The following USP49 variants were observed in gnomAD, a reference collection of about 807,000 sequenced individuals.
The protein encoded by USP49 is ubiquitin specific peptidase 49, also known as ubiquitin carboxyl-terminal hydrolase 49.
In USP49, 24 loss-of-function variants were observed where a neutral mutation model predicts 58.6. The observed-to-expected ratio is 0.41, with a 90% confidence interval of 0.30 to 0.58. The LOEUF is 0.58. Ranked by LOEUF, USP49 falls within the 20% of genes least tolerant of loss-of-function variation. The probability of loss-of-function intolerance (pLI) is 0.30; values close to 1 mark genes in which losing one functional copy is unlikely to be tolerated. For missense variants in USP49, 703 were observed against 866.1 expected (o/e 0.81, Z 2.36); for synonymous variants, 408 against 365.1 (o/e 1.12, Z -1.34).
Position 41,841,872 on chromosome 6 carries a change from C to G in USP49, c.-29+29692G>C, listed in dbSNP as rs576446105. 4.6e-5 allele frequency among the ~76,000 whole-genome samples: 7 copies of G among 152,280 alleles called. 1 individual carries two copies. Among genetic ancestry groups the G allele is most frequent in the African/African-American group, 1.7e-4 (7 of 41,558 alleles). ...AGGAGTTCAAGACCAGCCTGGCCAACATGGCAAAACCCTGTCTCTACCACA... is the reference window on the plus strand; with the variant it reads ...AGGAGTTCAAGACCAGCCTGGCCAAGATGGCAAAACCCTGTCTCTACCACA... On this transcript the variant is annotated intron_variant, in intron 3 of 7. Coordinates refer to ENST00000682992, the MANE Select transcript of USP49 (RefSeq NM_001286554.2).
At chr6:41,801,495 G>A (rs1245430912) in intron 5 of USP49, among the ~76,000 whole-genome samples, 2 of 152,104 alleles carry the variant, frequency 1.3e-5, no homozygotes, top group Non-Finnish European at 2.9e-5. Flanking sequence ...CAATACGTGG[G>A]GGCATGAACA....
chr6:41,883,896 C>A (rs1294554892), intron 2 of USP49, among the ~76,000 whole-genome samples: 1 of 152,106 alleles, frequency 6.6e-6, no homozygotes, highest in Non-Finnish European at 1.5e-5. Context: ...TGGACATGTG[C>A]AAGACTGTTA....
intron 3 of USP49, among the ~76,000 whole-genome samples, chr6:41,818,376 C>A (rs1250812941): frequency 6.6e-6 from 1 of 152,110 alleles, no homozygotes; most frequent in Non-Finnish European, 1.5e-5. Context: ...CACACATGCA[C>A]AGTCTTAGAA....
At chr6:41,797,549 T>A (rs1471123345) in intron 7 of USP49, 4 of 879,866 alleles carry the variant, frequency 4.5e-6, no homozygotes. Flanking sequence ...AAGACTCCAC[T>A]CTGGAGGATG....
chr6:41,835,715 A>AC (rs1310008091), intron 3 of USP49, among the ~76,000 whole-genome samples: 2 of 148,610 alleles, frequency 1.3e-5, no homozygotes, highest in Non-Finnish European at 1.5e-5. Context: ...TCTAAAAAAA[A>AC]AAACAGAAAA....
chr6:41,893,109 T>C (rs1360662231), intron 1 of USP49, among the ~76,000 whole-genome samples: 1 of 152,196 alleles, frequency 6.6e-6, no homozygotes, highest in Non-Finnish European at 1.5e-5. Flanking sequence ...AGACCAAGCT[T>C]GCTGCAGTAT....
chr6:41,828,474 C>T (rs1173979717), intron 3 of USP49, among the ~76,000 whole-genome samples: 1 of 152,058 alleles, frequency 6.6e-6, no homozygotes, highest in African/African-American at 2.4e-5. Context: ...TTTGAAGGTG[C>T]TATCAATAGA....
intron 3 of USP49, among the ~76,000 whole-genome samples, chr6:41,843,326 T>G (rs1274728860): frequency 6.6e-6 from 1 of 152,246 alleles, no homozygotes; most frequent in African/African-American, 2.4e-5. Flanking sequence ...TATATACTTT[T>G]ACGGAGTTAT....
intron 3 of USP49, among the ~76,000 whole-genome samples, chr6:41,869,329 T>C (rs1322379840): frequency 2.0e-5 from 3 of 152,010 alleles, no homozygotes; most frequent in Admixed American, 6.6e-5. Flanking sequence ...GTCTAGGAGT[T>C]AAAGGCCAGC....
chr6:41,894,215 G>C (rs979080329), intron 1 of USP49: 2 of 152,030 alleles, frequency 1.3e-5, no homozygotes, highest in African/African-American at 4.8e-5. Flanking sequence ...TTACCTCACT[G>C]TTTTCACCTT....
At chr6:41,852,313 G>A (rs1281919083) in intron 3 of USP49, among the ~76,000 whole-genome samples, 1 of 152,126 alleles carries the variant, frequency 6.6e-6, no homozygotes, top group African/African-American at 2.4e-5. Flanking sequence ...CAACGAGAGT[G>A]AAACTCCATC....
chr6:41,861,742 T>A (rs1774226459), intron 3 of USP49, among the ~76,000 whole-genome samples: 1 of 151,958 alleles, frequency 6.6e-6, no homozygotes. Context: ...CTCACTCTGT[T>A]GCCTAGGCAG....
chr6:41,844,667 C>A (rs1227062924), intron 3 of USP49, among the ~76,000 whole-genome samples: 2 of 152,070 alleles, frequency 1.3e-5, no homozygotes, highest in Non-Finnish European at 2.9e-5. Flanking sequence ...TCATGGTATT[C>A]CAGAAGACCA....
At chr6:41,835,618 G>C (rs1182249681) in intron 3 of USP49, among the ~76,000 whole-genome samples, 1 of 151,888 alleles carries the variant, frequency 6.6e-6, no homozygotes. Flanking sequence ...GGAGGCTGAT[G>C]CAGGAGAATC....
chr6:41,841,222 G>T (rs1389066809), intron 3 of USP49, among the ~76,000 whole-genome samples: 1 of 151,822 alleles, frequency 6.6e-6, no homozygotes. Context: ...AGGGTCTCTT[G>T]TACTTCCCTT....
chr6:41,807,588 C>T (rs7772086), intron 3 of USP49, among the ~76,000 whole-genome samples: 15,533 of 151,832 alleles, frequency 0.1, 1,340 homozygotes, highest in African/African-American at 0.23. Context: ...TTACTGACGC[C>T]ACGCCACCAC....
chr6:41,846,823 G>A (rs575442649), intron 3 of USP49, among the ~76,000 whole-genome samples: 2 of 152,294 alleles, frequency 1.3e-5, no homozygotes, highest in Admixed American at 6.5e-5. Flanking sequence ...TTGACCGTGT[G>A]TCCAACATTC....
chr6:41,846,775 C>CG (rs200530196), intron 3 of USP49, among the ~76,000 whole-genome samples: 1,658 of 152,256 alleles, frequency 0.011, 29 homozygotes, highest in South Asian at 0.047. Context: ...GGAAACCCCC[C>CG]CCATACTGGG....
chr6:41,797,608 T>C (rs1468237007), intron 7 of USP49: 1 of 985,656 alleles, frequency 1.0e-6, no homozygotes, highest in Non-Finnish European at 1.2e-6. Context: ...ACACTTCCCA[T>C]GGCAGGGGAA....
Sources: gnomAD v4.1 joint callset for allele counts (sites outside exome capture counted in the v4.1 genomes callset) on GRCh38, gnomAD v4.1.1 for gene constraint, MANE v1.5 for transcripts, NCBI Gene and HGNC (gene_info 2026-07-23, HGNC 2026-07-21) for gene names.